Variants in GPR158 observed in about 807,000 individuals in gnomAD.
The protein encoded by GPR158 is G protein-coupled receptor 158, also known as metabotropic glycine receptor.
A neutral mutation model predicts 78.2 loss-of-function variants in GPR158; 30 were observed. The observed-to-expected ratio is 0.38, with a 90% CI of 0.29 to 0.52. The LOEUF (loss-of-function observed/expected upper bound fraction) is 0.52, where lower values mean the gene tolerates loss of function less well. Ranked by LOEUF, GPR158 falls within the 20% of genes least tolerant of loss-of-function variation. The pLI, the probability that GPR158 is intolerant of heterozygous loss-of-function variation, is 0.83. For synonymous variants in GPR158, 581 were observed against 591.1 expected (o/e 0.98, Z 0.25); for missense variants, 1,463 against 1,523.5 (o/e 0.96, Z 0.66).
intron 4 of GPR158, among the ~76,000 whole-genome samples, chr10:25,436,943 G>A (rs530024530): frequency 6.6e-6 from 1 of 152,200 alleles, no homozygotes; most frequent in East Asian, 1.9e-4. Flanking sequence ...GGAGGGATGA[G>A]GTCTGAGCTA....
At chr10:25,216,201 G>C (rs1853211019) in intron 1 of GPR158, among the ~76,000 whole-genome samples, 2 of 152,192 alleles carry the variant, frequency 1.3e-5, no homozygotes, top group African/African-American at 2.4e-5. Context: ...TCTATTGTTA[G>C]AAGTGAATGA....
At chr10:25,431,068 A>G (rs1834896696) in intron 4 of GPR158, among the ~76,000 whole-genome samples, 1 of 142,916 alleles carries the variant, frequency 7.0e-6, no homozygotes, top group Admixed American at 7.0e-5. Context: ...CATCAGAGTG[A>G]ACAGGCAACC....
chr10:25,449,947 A>G (rs1446326247), intron 4 of GPR158, among the ~76,000 whole-genome samples: 1 of 152,040 alleles, frequency 6.6e-6, no homozygotes, highest in African/African-American at 2.4e-5. Flanking sequence ...GTGACTTACT[A>G]AATGAAATAG....
At chr10:25,544,290 A>ATTTTT (rs71848369) in intron 5 of GPR158, among the ~76,000 whole-genome samples, 2 of 150,194 alleles carry the variant, frequency 1.3e-5, no homozygotes, top group Non-Finnish European at 3.0e-5. Flanking sequence ...ATAGTGTTTT[A>ATTTTT]TTTTTTTTTT....
chr10:25,516,828 G>A (rs1178673133), intron 5 of GPR158, among the ~76,000 whole-genome samples: 1 of 117,402 alleles, frequency 8.5e-6, no homozygotes, highest in East Asian at 2.4e-4. Context: ...TTGTTCTTTT[G>A]GCTTAGGATT....
At chr10:25,435,362 G>A (rs1295707885) in intron 4 of GPR158, among the ~76,000 whole-genome samples, 1 of 152,114 alleles carries the variant, frequency 6.6e-6, no homozygotes, top group Admixed American at 6.5e-5. Flanking sequence ...AAATGAGGTT[G>A]TTTCTGAAGA....
At chr10:25,554,778 A>G (rs545835043) in intron 6 of GPR158, among the ~76,000 whole-genome samples, 1 of 152,280 alleles carries the variant, frequency 6.6e-6, no homozygotes, top group East Asian at 1.9e-4. Flanking sequence ...TCCCTTTAGA[A>G]AGGTGTATTC....
At position 25,342,022 on chromosome 10, in the gene GPR158, A is replaced by C. The variant is rs114948636; in HGVS notation, c.1009-53889A>C. ...ACTTATTGCTCTTATTTTCAGTTCT[A>C]GCATCTTTGGTGGTACAAATATACT... On this transcript the variant is annotated intron_variant, in intron 2 of 10. Coordinates refer to ENST00000376351, the MANE Select transcript of GPR158 (RefSeq NM_020752.3). Among the ~76,000 whole-genome samples, 973 of 152,034 alleles carry C rather than the reference A, an allele frequency of 6.4e-3. 11 individuals are homozygous for C. Among genetic ancestry groups the C allele is most frequent in the African/African-American group, 0.022 (926 of 41,506 alleles).
intron 2 of GPR158, among the ~76,000 whole-genome samples, chr10:25,251,516 C>CA (rs1238406407): frequency 1.3e-5 from 2 of 151,454 alleles, no homozygotes; most frequent in Non-Finnish European, 2.9e-5. Flanking sequence ...CTGGTGGTGA[C>CA]AAAATCTCTC....
intron 2 of GPR158, among the ~76,000 whole-genome samples, chr10:25,229,539 C>T (rs1387390848): frequency 6.6e-6 from 1 of 152,066 alleles, no homozygotes; most frequent in Non-Finnish European, 1.5e-5. Context: ...ATCTTTAAAG[C>T]CTCTATTTTA....
intron 1 of GPR158, among the ~76,000 whole-genome samples, chr10:25,178,082 T>A (rs1016171509): frequency 4.6e-5 from 7 of 152,224 alleles, no homozygotes; most frequent in African/African-American, 1.7e-4. Flanking sequence ...TAACATTCGC[T>A]TTATGTCAGG....
intron 4 of GPR158, among the ~76,000 whole-genome samples, chr10:25,454,652 T>C (rs1312461729): frequency 6.6e-6 from 1 of 152,186 alleles, no homozygotes; most frequent in Non-Finnish European, 1.5e-5. Context: ...GGTCCTGTTC[T>C]GCCTCCACCC....
At chr10:25,358,726 A>G (rs186414745) in intron 2 of GPR158, among the ~76,000 whole-genome samples, 65 of 152,204 alleles carry the variant, frequency 4.3e-4, no homozygotes, top group African/African-American at 1.6e-3. Context: ...ATGAAAACAG[A>G]CTAATACAAG....
intron 5 of GPR158, among the ~76,000 whole-genome samples, chr10:25,471,091 A>T (rs550100904): frequency 2.8e-4 from 42 of 151,568 alleles, no homozygotes; most frequent in African/African-American, 1.0e-3. Context: ...TATATCTCCT[A>T]ATGCTATCCC....
intron 2 of GPR158, among the ~76,000 whole-genome samples, chr10:25,300,645 C>CA (rs1174032482): frequency 2.0e-4 from 30 of 152,220 alleles, no homozygotes; most frequent in African/African-American, 7.2e-4. Flanking sequence ...TAGAGGTCGT[C>CA]ACGAAACTTG....
chr10:25,488,847 G>T (rs1049141049), intron 5 of GPR158, among the ~76,000 whole-genome samples: 2 of 151,786 alleles, frequency 1.3e-5, no homozygotes, highest in African/African-American at 4.8e-5. Flanking sequence ...TTTTTAGGGT[G>T]CACTAATTTC....
chr10:25,575,466 A>G (rs11014621), intron 7 of GPR158, among the ~76,000 whole-genome samples: 1,712 of 152,160 alleles, frequency 0.011, 29 homozygotes, highest in African/African-American at 0.04. Context: ...TCACCTGGGG[A>G]CTTGTTAGAA....
intron 5 of GPR158, among the ~76,000 whole-genome samples, chr10:25,549,997 C>G (rs1353714436): frequency 6.6e-6 from 1 of 152,192 alleles, no homozygotes; most frequent in African/African-American, 2.4e-5. Context: ...GTGCTCTTCA[C>G]TAGTATTAAT....
At chr10:25,561,596 C>G (rs10764560) in intron 6 of GPR158, among the ~76,000 whole-genome samples, 11,593 of 152,164 alleles carry the variant, frequency 0.076, 949 homozygotes, top group East Asian at 0.47. Flanking sequence ...CCAAACTTTT[C>G]AAAACTAAAC....
Sources: allele counts gnomAD v4.1 joint callset (sites outside exome capture counted in the v4.1 genomes callset), GRCh38; gene constraint gnomAD v4.1.1; transcripts MANE v1.5; gene names NCBI Gene and HGNC (gene_info 2026-07-23, HGNC 2026-07-21).